Variants in DACH2 observed in about 807,000 individuals in gnomAD.
The protein encoded by DACH2 is dachshund homolog 2.
Under a neutral mutation model 35.8 loss-of-function variants are expected in DACH2, and 17 were observed. That is an observed-to-expected ratio of 0.48 (90% confidence interval 0.33 to 0.71). DACH2 has a LOEUF of 0.71. DACH2 is among the 30% of genes least tolerant of loss of function. DACH2 has a pLI of 0.02. For synonymous variants in DACH2, 195 were observed against 177.3 expected (o/e 1.10, Z -0.79); for missense variants, 469 against 472.7 (o/e 0.99, Z 0.07).
intron 5 of DACH2, among the ~76,000 whole-genome samples, chrX:86,697,661 T>C (rs764777466): frequency 5.9e-5 from 6 of 101,962 alleles, no homozygotes; most frequent in Non-Finnish European, 1.2e-4. Flanking sequence ...ATCAGAAAGG[T>C]AGAAACCCTA....
chrX:86,627,238 C>A (rs1344079234), intron 3 of DACH2, among the ~76,000 whole-genome samples: 2 of 111,836 alleles, frequency 1.8e-5, no homozygotes, highest in African/African-American at 3.2e-5. Flanking sequence ...ATCTGTAGGG[C>A]AGTGGCAAAA....
chrX:86,254,807 T>TATATATATATATATAGAGAGAGAGAGAG (rs1380613474), intron 1 of DACH2, among the ~76,000 whole-genome samples: 1 of 49,652 alleles, frequency 2.0e-5, no homozygotes, highest in African/African-American at 1.2e-4. Context: ...TATATATATA[T>TATATATATATATATAGAGAGAGAGAGAG]AGAGAGAGAG....
At chrX:86,174,073 A>G (rs1358229988) in intron 1 of DACH2, among the ~76,000 whole-genome samples, 2 of 108,190 alleles carry the variant, frequency 1.8e-5, no homozygotes, top group Non-Finnish European at 3.8e-5. Flanking sequence ...TTGGGGGGGA[A>G]GGTGGAGGTA....
At chrX:86,286,304 T>G (rs1429266978) in intron 1 of DACH2, among the ~76,000 whole-genome samples, 1 of 107,806 alleles carries the variant, frequency 9.3e-6, no homozygotes, top group Admixed American at 1.0e-4. Context: ...ATTTTTTGTA[T>G]TTTTTTTAGT....
intron 2 of DACH2, among the ~76,000 whole-genome samples, chrX:86,449,420 C>T (rs775337210): frequency 9.1e-6 from 1 of 110,285 alleles, no homozygotes; most frequent in Non-Finnish European, 1.9e-5. Flanking sequence ...TTCCTGCTTT[C>T]TCTTTGTTTC....
chrX:86,341,446 G>GA (rs945597433), intron 1 of DACH2, among the ~76,000 whole-genome samples: 18 of 110,825 alleles, frequency 1.6e-4, no homozygotes, highest in East Asian at 5.7e-4. Context: ...TACTGTTCAG[G>GA]AAAAAAAAGG....
intron 3 of DACH2, among the ~76,000 whole-genome samples, chrX:86,590,229 G>A (rs944010283): frequency 8.9e-6 from 1 of 111,943 alleles, no homozygotes; most frequent in African/African-American, 3.2e-5. Context: ...AAGGTAAAGG[G>A]CCATTGCTGA....
intron 2 of DACH2, among the ~76,000 whole-genome samples, chrX:86,403,981 GT>G (rs1248338222): frequency 6.4e-4 from 66 of 102,810 alleles, no homozygotes; most frequent in East Asian, 6.1e-4. Context: ...TGGGGGCAAA[GT>G]TTTTTTTTTT....
chrX:86,530,162 G>A (rs973004466), intron 3 of DACH2, among the ~76,000 whole-genome samples: 1 of 111,319 alleles, frequency 9.0e-6, no homozygotes, highest in African/African-American at 3.3e-5. Flanking sequence ...TGATTAAAGT[G>A]ATTAAAATTT....
At chrX:86,374,005 T>C (rs1056273249) in intron 1 of DACH2, among the ~76,000 whole-genome samples, 11 of 111,265 alleles carry the variant, frequency 9.9e-5, no homozygotes, top group African/African-American at 3.6e-4. Context: ...TAAAAGGACC[T>C]AAATACTTAA....
chrX:86,474,235 G>A (rs1211199432), intron 2 of DACH2, among the ~76,000 whole-genome samples: 7 of 111,957 alleles, frequency 6.3e-5, no homozygotes, highest in African/African-American at 2.3e-4. Context: ...ATATAGAGTT[G>A]TTTGAGCTCC....
chrX:86,377,752 G>A (rs1194762799), intron 2 of DACH2, among the ~76,000 whole-genome samples: 1 of 110,468 alleles, frequency 9.1e-6, no homozygotes, highest in Non-Finnish European at 1.9e-5. Flanking sequence ...TCATGGAGCT[G>A]TAGGGGAGAT....
intron 2 of DACH2, among the ~76,000 whole-genome samples, chrX:86,398,264 T>C (rs1420118461): frequency 8.9e-6 from 1 of 112,659 alleles, no homozygotes; most frequent in Non-Finnish European, 1.9e-5. Flanking sequence ...TTGCATCTAT[T>C]TGATTCTTCT....
Position 86,286,052 on chromosome X carries a change from GAA to G in DACH2, c.489-90771_489-90770del, listed in dbSNP as rs765556587. Among the ~76,000 whole-genome samples the G allele has an allele frequency of 6.5e-5, 7 of 108,197 alleles. No individual in the cohort carries two copies. The East Asian group carries it at 2.1e-3, about 32-fold the overall frequency. 94.0% of individuals were successfully genotyped at this position (108,197 alleles called of 115,157 possible). ...TCAGTCTATATGTGTCTTTATAGGTGAAGTGTGTTTCTTGTAGGCAACAAATC... is the reference window on the plus strand; with the variant it reads ...TCAGTCTATATGTGTCTTTATAGGTGGTGTGTTTCTTGTAGGCAACAAATC... On this transcript the variant is annotated intron_variant, in intron 1 of 11. Transcript: ENST00000373125.
intron 3 of DACH2, among the ~76,000 whole-genome samples, chrX:86,549,018 A>T (rs1471747859): frequency 8.9e-6 from 1 of 111,778 alleles, no homozygotes; most frequent in Non-Finnish European, 1.9e-5. Context: ...ATGCCCCTTA[A>T]ATCTTGGAGG....
At chrX:86,454,578 G>A (rs1459047462) in intron 2 of DACH2, among the ~76,000 whole-genome samples, 3 of 112,162 alleles carry the variant, frequency 2.7e-5, no homozygotes, top group African/African-American at 9.7e-5. Flanking sequence ...TGGTACTTGT[G>A]ATTGCATTGT....
In DACH2 at chrX:86,466,684, CT is replaced by C. The variant is rs751149014; in HGVS notation, c.528-47591del. On this transcript the variant is annotated intron_variant, in intron 2 of 11. Transcript: ENST00000373125. ...AGGTATTGTGTAAACCTGCAGTAAACTTTTGCCTGAGTATCTAGGCATTTCC... is the reference window on the plus strand; with the variant it reads ...AGGTATTGTGTAAACCTGCAGTAAACTTTGCCTGAGTATCTAGGCATTTCC... Among the ~76,000 whole-genome samples, 31 of 111,962 alleles carry C rather than the reference CT, an allele frequency of 2.8e-4. No individual in the cohort carries two copies. In the East Asian group the frequency reaches 3.7e-3, roughly 13 times the overall value.
intron 11 of DACH2, among the ~76,000 whole-genome samples, chrX:86,824,879 G>T (rs2147366982): frequency 9.0e-6 from 1 of 111,584 alleles, no homozygotes; most frequent in African/African-American, 3.3e-5. Context: ...GGGAAATGTT[G>T]GATGTCATCA....
intron 2 of DACH2, among the ~76,000 whole-genome samples, chrX:86,494,645 A>AT (rs2038140782): frequency 8.9e-6 from 1 of 112,338 alleles, no homozygotes; most frequent in Non-Finnish European, 1.9e-5. Flanking sequence ...TTAATCTTGT[A>AT]TTTTTTTGGT....
Sources: allele counts gnomAD v4.1 joint callset (sites outside exome capture counted in the v4.1 genomes callset), GRCh38; gene constraint gnomAD v4.1.1; transcripts MANE v1.5; gene names NCBI Gene and HGNC (gene_info 2026-07-23, HGNC 2026-07-21).